The following L3MBTL3 variants were observed in gnomAD, a reference collection of about 807,000 sequenced individuals.
L3MBTL3 encodes the protein L3MBTL histone methyl-lysine binding protein 3, also known as lethal(3)malignant brain tumor-like protein 3.
L3MBTL3 carries 27 observed loss-of-function variants against 102.3 expected under a neutral mutation model. The ratio of observed to expected loss-of-function variants is 0.26; its 90% CI spans 0.19 to 0.36. L3MBTL3 has a LOEUF of 0.36. L3MBTL3 is among the 10% of genes least tolerant of loss of function. The pLI is 1.00. For missense variants in L3MBTL3, 798 were observed against 955.3 expected (o/e 0.84, Z 2.17); for synonymous variants, 340 against 320.9 (o/e 1.06, Z -0.64).
intron 18 of L3MBTL3, among the ~76,000 whole-genome samples, chr6:130,102,492 C>T (rs1013810738): frequency 6.6e-6 from 1 of 152,170 alleles, no homozygotes; most frequent in Admixed American, 6.5e-5. Flanking sequence ...TAAATCAAAC[C>T]TTGTCATTCT....
intron 18 of L3MBTL3, among the ~76,000 whole-genome samples, chr6:130,104,068 T>C (rs895337302): frequency 1.3e-4 from 20 of 152,150 alleles, no homozygotes; most frequent in Middle Eastern, 3.2e-3. Flanking sequence ...CATTAACCAA[T>C]CAATCAGTCT....
At chr6:130,061,011 A>G (rs771093899) in intron 10 of L3MBTL3, among the ~76,000 whole-genome samples, 1 of 152,026 alleles carries the variant, frequency 6.6e-6, no homozygotes. Flanking sequence ...GCCTCAGTCA[A>G]TGATAACATA....
Position 130,078,550 on chromosome 6 carries a change from A to T in L3MBTL3, c.1245-8A>T. ...TAATTGCAGTTTTTTAATTTGTGTA[A>T]CTTTCAGGTGTGAAGCATCAAGTCC... On this transcript the variant is annotated splice_polypyrimidine_tract_variant and splice_region_variant and intron_variant, in intron 13 of 22. Transcript: ENST00000361794. 6.2e-7 allele frequency: 1 copy of T among 1,601,570 alleles called. No homozygotes were observed.
intron 8 of L3MBTL3, among the ~76,000 whole-genome samples, chr6:130,055,639 CCTCCCTCT>C (rs1562271015): frequency 1.3e-3 from 72 of 56,544 alleles, no homozygotes; most frequent in Non-Finnish European, 2.4e-3. Context: ...TCCCTCCCTC[CCTCCCTCT>C]CTCTCCCTCC....
intron 20 of L3MBTL3, among the ~76,000 whole-genome samples, chr6:130,131,387 G>A (rs1787016367): frequency 6.6e-6 from 1 of 152,196 alleles, no homozygotes; most frequent in Admixed American, 6.5e-5. Context: ...ATATGCTGTT[G>A]GTAGGTATTC....
At position 130,055,918 on chromosome 6, in the gene L3MBTL3, T is replaced by TCCCTC. The variant is rs969250572; in HGVS notation, c.667+679_667+683dup. ...TCCCTTCTGTCCCCTCCCCTTCCCT[T>TCCCTC]CCCTCCCCTCCCCTCCCCTCTCTTT... On this transcript the variant is annotated intron_variant, in intron 8 of 22. Coordinates refer to ENST00000361794, the MANE Select transcript of L3MBTL3 (RefSeq NM_032438.4). 2.0e-4 allele frequency among the ~76,000 whole-genome samples: 29 copies of TCCCTC among 142,084 alleles called. No homozygotes were observed. In the East Asian group the frequency reaches 2.9e-3, roughly 14 times the overall value. The allele number at this position is 142,084 out of a possible 152,430, so 93.2% of individuals were successfully genotyped here. A position where few individuals can be genotyped will look rare whatever the true frequency, so the allele number is the denominator to read the frequency against.
intron 19 of L3MBTL3, among the ~76,000 whole-genome samples, chr6:130,115,377 A>G (rs767584613): frequency 5.9e-5 from 9 of 152,230 alleles, no homozygotes; most frequent in South Asian, 2.1e-4. Context: ...GGCAATCTGC[A>G]TCTGCCTCCT....
intron 1 of L3MBTL3, among the ~76,000 whole-genome samples, chr6:130,021,436 A>G (rs1562242293): frequency 6.6e-6 from 1 of 152,218 alleles, no homozygotes; most frequent in Non-Finnish European, 1.5e-5. Flanking sequence ...ATCCGACATG[A>G]GTTATATGGG....
chr6:130,042,855 T>G, intron 3 of L3MBTL3, 54 bp downstream of exon 3: 1 of 1,155,774 alleles, frequency 8.7e-7, no homozygotes, highest in East Asian at 2.4e-5. Context: ...TGCGTATGCT[T>G]ACTTAAAATT....
chr6:130,137,159 TCAGA>T (rs1237383905), intron 22 of L3MBTL3, among the ~76,000 whole-genome samples: 2 of 152,174 alleles, frequency 1.3e-5, no homozygotes, highest in African/African-American at 2.4e-5. Flanking sequence ...AAAGACTCAC[TCAGA>T]CAGAGCATGT....
rs193262240 is a variant in L3MBTL3 at position 130,116,349 on chromosome 6, G to A, written c.1887-4530G>A. 1.8e-4 allele frequency among the ~76,000 whole-genome samples: 28 copies of A among 152,264 alleles called. No homozygotes were observed. The East Asian group carries it at 3.7e-3, about 20-fold the overall frequency. ...TGTAACTGAGAATTAGACAAATTAAGTAATTTGCTGATGGTCGTGTAAACC... is the reference window on the plus strand; with the variant it reads ...TGTAACTGAGAATTAGACAAATTAAATAATTTGCTGATGGTCGTGTAAACC... On this transcript the variant is annotated intron_variant, in intron 19 of 22. Transcript: ENST00000361794.
intron 18 of L3MBTL3, among the ~76,000 whole-genome samples, chr6:130,095,146 C>A (rs114869959): frequency 6.6e-6 from 1 of 151,978 alleles, no homozygotes; most frequent in African/African-American, 2.4e-5. Flanking sequence ...AATAATTTGT[C>A]GGTATAATGT....
chr6:130,135,470 T>C (rs1392482734), intron 22 of L3MBTL3, among the ~76,000 whole-genome samples: 1 of 152,226 alleles, frequency 6.6e-6, no homozygotes, highest in Admixed American at 6.5e-5. Context: ...TAAAGCATTT[T>C]TGAAAATAAA....
intron 9 of L3MBTL3, among the ~76,000 whole-genome samples, chr6:130,058,164 A>T (rs1427240869): frequency 6.7e-6 from 1 of 149,364 alleles, no homozygotes; most frequent in African/African-American, 2.4e-5. Flanking sequence ...AAAAAAAAAA[A>T]AAAAAAAAAA....
chr6:130,113,510 T>A (rs1480691333), intron 19 of L3MBTL3, among the ~76,000 whole-genome samples: 2 of 152,246 alleles, frequency 1.3e-5, no homozygotes, highest in Non-Finnish European at 2.9e-5. Flanking sequence ...TGAGCTCCCA[T>A]GTTGTTTAAG....
intron 19 of L3MBTL3, 62 bp from the exon 20 acceptor site, chr6:130,120,817 G>A (rs1428223980): frequency 1.6e-6 from 2 of 1,274,434 alleles, no homozygotes; most frequent in East Asian, 4.6e-5. Context: ...TTGAGATGTA[G>A]TTCTGAACCA....
At chr6:130,048,568 C>G (rs1023855396) in intron 3 of L3MBTL3, among the ~76,000 whole-genome samples, 1 of 152,168 alleles carries the variant, frequency 6.6e-6, no homozygotes, top group Non-Finnish European at 1.5e-5. Context: ...TCCATGAAAT[C>G]AAGATGCTGT....
chr6:130,031,567 T>C (rs1258505491), intron 2 of L3MBTL3, among the ~76,000 whole-genome samples: 1 of 152,164 alleles, frequency 6.6e-6, no homozygotes, highest in Non-Finnish European at 1.5e-5. Flanking sequence ...GAATAAATGG[T>C]CTCGTAAAAG....
intron 17 of L3MBTL3, 62 bp from the exon 18 acceptor site, chr6:130,094,203 G>T: frequency 1.5e-6 from 2 of 1,295,126 alleles, no homozygotes; most frequent in Non-Finnish European, 2.2e-6. Flanking sequence ...CCAGACATTT[G>T]ACTCTTCACA....
Sources: gnomAD v4.1 joint callset for allele counts (sites outside exome capture counted in the v4.1 genomes callset) on GRCh38, gnomAD v4.1.1 for gene constraint, MANE v1.5 for transcripts, NCBI Gene and HGNC (gene_info 2026-07-23, HGNC 2026-07-21) for gene names.